The following GPR161 variants were observed in gnomAD, a reference collection of about 807,000 sequenced individuals.
GPR161 encodes G-protein coupled receptor RE2.
GPR161 carries 25 observed loss-of-function variants against 39.2 expected under a neutral mutation model. The ratio of observed to expected loss-of-function variants is 0.64; its 90% CI spans 0.47 to 0.89. The LOEUF (loss-of-function observed/expected upper bound fraction) is 0.89. Among genes scored for constraint, GPR161 ranks in the 40% least tolerant of loss-of-function variants. The pLI is 0.00. For missense variants in GPR161, 547 were observed against 677.8 expected, an observed-to-expected ratio of 0.81 and a Z score of 2.14; for synonymous variants, 286 against 276.6, an observed-to-expected ratio of 1.03 and a Z score of -0.34.
intron 1 of GPR161, among the ~76,000 whole-genome samples, chr1:168,131,888 TG>T (rs940245051): frequency 6.6e-5 from 10 of 152,202 alleles, no homozygotes; most frequent in Admixed American, 2.0e-4. Flanking sequence ...TTAAAAAAAT[TG>T]GCAAAGAATT....
intron 1 of GPR161, among the ~76,000 whole-genome samples, chr1:168,123,095 C>A (rs540768731): frequency 6.6e-6 from 1 of 152,302 alleles, no homozygotes; most frequent in African/African-American, 2.4e-5. Flanking sequence ...CATCCATTCT[C>A]CTCTTCTATC....
At chr1:168,126,791 C>G (rs1698627025) in intron 1 of GPR161, among the ~76,000 whole-genome samples, 1 of 152,194 alleles carries the variant, frequency 6.6e-6, no homozygotes, top group Non-Finnish European at 1.5e-5. Flanking sequence ...GATGTTTTCC[C>G]TTCCAGAAAG....
At chr1:168,111,760 G>T (rs1281812594) in intron 1 of GPR161, among the ~76,000 whole-genome samples, 1 of 152,146 alleles carries the variant, frequency 6.6e-6, no homozygotes, top group African/African-American at 2.4e-5. Context: ...GAGTTAACAA[G>T]AATTTAGAGG....
chr1:168,098,590 C>T lies in GPR161; in HGVS notation c.375-1358G>A, dbSNP rs979346999. 1.2e-4 allele frequency among the ~76,000 whole-genome samples: 19 copies of T among 152,240 alleles called. No homozygotes were observed. The highest frequency in any genetic ancestry group is 1.2e-3 in the Admixed American group (19 of 15,288). On this transcript the variant is annotated intron_variant, in intron 2 of 5. Coordinates refer to ENST00000682931, the MANE Select transcript of GPR161 (RefSeq NM_001375883.1). The surrounding 1 kb of genome is among the most constrained non-coding windows in gnomAD (Gnocchi z 4.1). ...ACCGCCCTGAGTCACCCTTGGGCCCCAGCAGCTGAACTGCCACATGCTAAC... is the reference window on the plus strand; with the variant it reads ...ACCGCCCTGAGTCACCCTTGGGCCCTAGCAGCTGAACTGCCACATGCTAAC...
At chr1:168,099,021 A>G (rs1205321289) in intron 2 of GPR161, among the ~76,000 whole-genome samples, 1 of 152,212 alleles carries the variant, frequency 6.6e-6, no homozygotes, top group Non-Finnish European at 1.5e-5. Context: ...GCTCCTAGGA[A>G]CGAATGAGGA....
intron 1 of GPR161, 132 bp from the exon 2 acceptor site, chr1:168,105,026 G>A (rs1343446765): frequency 1.7e-5 from 11 of 654,744 alleles, no homozygotes; most frequent in Admixed American, 2.9e-5. Context: ...GACTCTCAGC[G>A]GGTCTTCCCC....
chr1:168,125,862 C>T (rs914132420), intron 1 of GPR161, among the ~76,000 whole-genome samples: 14 of 152,110 alleles, frequency 9.2e-5, no homozygotes, highest in African/African-American at 3.4e-4. Context: ...ATGATCTGCC[C>T]GCCTCGGCCT....
At chr1:168,113,055 T>C (rs1174850778) in intron 1 of GPR161, among the ~76,000 whole-genome samples, 1 of 151,972 alleles carries the variant, frequency 6.6e-6, no homozygotes, top group Non-Finnish European at 1.5e-5. Flanking sequence ...TCCCTCAGGG[T>C]GTATCTTTAA....
intron 1 of GPR161, among the ~76,000 whole-genome samples, chr1:168,119,397 T>C (rs1697977412): frequency 6.6e-6 from 1 of 151,074 alleles, no homozygotes; most frequent in African/African-American, 2.4e-5. Context: ...AAGTAAAATA[T>C]GCCAGTCACA....
At position 168,080,971 on chromosome 1, in the gene GPR161, TCTC is replaced by T. The variant is rs1194769359; in HGVS notation, c.*4557_*4559del. Reference sequence around the variant, plus strand: ...CCTCCGCCTCCTGGGTTTAAGTGATTCTCCTGCCTCAGGCTCCTGAGTAGCTGG... The same window carrying T: ...CCTCCGCCTCCTGGGTTTAAGTGATTCTGCCTCAGGCTCCTGAGTAGCTGG... On this transcript the variant is annotated 3_prime_UTR_variant, in exon 6 of 6. Coordinates refer to ENST00000682931, the MANE Select transcript of GPR161 (RefSeq NM_001375883.1). 6.6e-6 allele frequency: 1 copy of T among 152,400 alleles called. No individual in the cohort carries two copies. The highest frequency in any genetic ancestry group is 1.5e-5 in the Non-Finnish European group (1 of 68,248). The allele number at this position is 152,400 out of a possible 1,614,324, so 9.4% of individuals were successfully genotyped here. A position where few individuals can be genotyped will look rare whatever the true frequency, so the allele number is the denominator to read the frequency against.
At position 168,096,739 on chromosome 1, in the gene GPR161, T is replaced by C. The variant is rs1050177817; in HGVS notation, c.868A>G (p.Ile290Val). 4.3e-6 allele frequency: 7 copies of C among 1,613,914 alleles called. No homozygotes were observed. The highest frequency in any genetic ancestry group is 3.3e-5 in the Admixed American group (2 of 60,000). Residue 290 changes from isoleucine to valine, a missense_variant, in exon 3 of 6, where the codon ATC becomes GTC. Transcript: ENST00000682931. ...TTCCCCCAGAGGGCCTCAGAGGCGA[T>C]GACAACCATGTAGGGGCCCCAGGTG... Reference protein sequence around the residue: ...MVTWGPYMVVIASEALWGKSS... With the variant: ...MVTWGPYMVVVASEALWGKSS...
intron 1 of GPR161, among the ~76,000 whole-genome samples, chr1:168,123,533 T>TACAC (rs879589931): frequency 2.8e-4 from 27 of 97,648 alleles, no homozygotes; most frequent in Admixed American, 3.9e-4. Context: ...GATATGCACA[T>TACAC]ACATACACAC....
At chr1:168,135,961 G>C (rs1699322968) in intron 1 of GPR161, 1 of 983,464 alleles carries the variant, frequency 1.0e-6, no homozygotes, top group Non-Finnish European at 1.3e-6. Context: ...GCAGCTATGT[G>C]GTTACTGGTG....
chr1:168,127,019 CAA>C (rs1303439502), intron 1 of GPR161, among the ~76,000 whole-genome samples: 4 of 151,840 alleles, frequency 2.6e-5, no homozygotes, highest in Non-Finnish European at 5.9e-5. Flanking sequence ...TCTCCTAAGA[CAA>C]AAAAGAGAGT....
upstream of GPR161, chr1:168,137,046 C>T (rs1004501257): frequency 5.7e-6 from 5 of 880,876 alleles, no homozygotes; most frequent in Middle Eastern, 5.7e-4. Context: ...CGCCCAGCTC[C>T]CGGCGCCCCT....
In GPR161 at chr1:168,135,099, G is replaced by T. The variant is rs1055256695; in HGVS notation, c.-45+1640C>A. 4.1e-6 allele frequency: 6 copies of T among 1,448,692 alleles called. No individual in the cohort carries two copies. In the South Asian group the frequency reaches 5.6e-5, roughly 13 times the overall value. The allele number at this position is 1,448,692 out of a possible 1,614,324, so 89.7% of individuals were successfully genotyped here. A position where few individuals can be genotyped will look rare whatever the true frequency, so the allele number is the denominator to read the frequency against. On this transcript the variant is annotated intron_variant, in intron 1 of 5. Coordinates refer to ENST00000682931, the MANE Select transcript of GPR161 (RefSeq NM_001375883.1). ...CCTTGGATTAGTTCCAAAATGTCAA[G>T]CGGGCCTCTTAATGAGGGGTCTCTA...
rs10670498 is a variant in GPR161 at position 168,108,486 on chromosome 1, T to TAAAAAAA, written c.-44-3599_-44-3593dup. 9.7e-4 allele frequency among the ~76,000 whole-genome samples: 17 copies of TAAAAAAA among 17,470 alleles called. 2 individuals are homozygous for TAAAAAAA. The highest frequency in any genetic ancestry group is 4.8e-3 in the African/African-American group (17 of 3,578). The allele number at this position is 17,470 out of a possible 152,430, so 11.5% of individuals were successfully genotyped here. ...ATTTTATCCACTGAGGCCCTAGTTG[T>TAAAAAAA]AAAAAAAAAAAAAAAAAAAAAAAAA... On this transcript the variant is annotated intron_variant, in intron 1 of 5. Coordinates refer to ENST00000682931, the MANE Select transcript of GPR161 (RefSeq NM_001375883.1).
At chr1:168,094,916 A>T (rs1418184257) in intron 3 of GPR161, among the ~76,000 whole-genome samples, 1 of 152,230 alleles carries the variant, frequency 6.6e-6, no homozygotes, top group African/African-American at 2.4e-5. Context: ...GCATCATCTC[A>T]AAGTATCTCC....
Position 168,097,113 on chromosome 1 carries a change from C to T in GPR161, c.494G>A (p.Gly165Asp). The change falls in exon 3 of 6, where the codon GGT becomes GAT. Residue 165 changes from glycine to aspartate, a missense_variant. Gly to Asp is a moderately conservative substitution (Grantham distance 94). Coordinates refer to ENST00000682931, the MANE Select transcript of GPR161 (RefSeq NM_001375883.1). The part of the protein sequence containing the change: ...SLIGCLPPLF[G>D]WSSVEFDEFK... ...CTCGTCAAACTCCACGGATGACCAA[C>T]CAAACAGGGGTGGCAGGCAGCCGAT... The T allele has an allele frequency of 6.2e-7, 1 of 1,614,008 alleles. No homozygotes were observed. Among genetic ancestry groups the T allele is most frequent in the Non-Finnish European group, 8.5e-7 (1 of 1,180,030 alleles).
Sources: gnomAD v4.1 joint callset for allele counts (sites outside exome capture counted in the v4.1 genomes callset) on GRCh38, gnomAD v4.1.1 for gene constraint, Gnocchi (gnomAD v3.1) non-coding constraint, MANE v1.5 for transcripts, NCBI Gene and HGNC (gene_info 2026-07-23, HGNC 2026-07-21) for gene names.